The following NME7 variants were observed in gnomAD, a reference collection of about 807,000 sequenced individuals.
NME7 encodes NME/NM23 family member 7.
In NME7, 41 loss-of-function variants were observed where a neutral mutation model predicts 49.1. That is an observed-to-expected ratio of 0.83 (90% CI 0.65 to 1.08). NME7 has a LOEUF of 1.08. Ranked by LOEUF, NME7 falls within the 50% of genes least tolerant of loss-of-function variation. NME7 has a pLI of 0.00. For missense variants in NME7, 423 were observed against 463.4 expected, an observed-to-expected ratio of 0.91 and a Z score of 0.80; for synonymous variants, 139 against 150.6, an observed-to-expected ratio of 0.92 and a Z score of 0.56.
At chr1:169,342,449 A>G (rs1462868361) in intron 1 of NME7, among the ~76,000 whole-genome samples, 1 of 148,808 alleles carries the variant, frequency 6.7e-6, no homozygotes, top group East Asian at 2.0e-4. Context: ...CAGTGTGAAC[A>G]TGGACTAATA....
chr1:169,313,007 T>G (rs1365294807), intron 3 of NME7, among the ~76,000 whole-genome samples: 9 of 152,064 alleles, frequency 5.9e-5, no homozygotes, highest in African/African-American at 2.2e-4. Context: ...ATCTGCCCCA[T>G]GGATAAAGGA....
intron 7 of NME7, among the ~76,000 whole-genome samples, chr1:169,251,547 C>CTTTTTTTTTTTTTTTTTTTT (rs36096137): frequency 5.6e-5 from 7 of 123,984 alleles, no homozygotes; most frequent in East Asian, 2.4e-4. Context: ...ACTCTGGTTT[C>CTTTTTTTTTTTTTTTTTTTT]TTTTTTTTTT....
chr1:169,232,018 C>A (rs1647644005), intron 9 of NME7, among the ~76,000 whole-genome samples: 1 of 151,886 alleles, frequency 6.6e-6, no homozygotes, highest in African/African-American at 2.4e-5. Flanking sequence ...ATAAATAGAC[C>A]CAGCAATTAA....
Position 169,230,725 on chromosome 1 carries a change from G to A in NME7, c.983C>T (p.Ala328Val), listed in dbSNP as rs1160219035. The A allele has an allele frequency of 1.9e-6, 3 of 1,593,014 alleles. No individual in the cohort carries two copies. The highest frequency in any genetic ancestry group is 4.5e-5 in the East Asian group (2 of 44,236). Residue 328 changes from alanine (A) to valine (V), a missense_variant, in exon 10 of 12, where the codon GCT (alanine) becomes GTT (valine). Physicochemically the swap from Ala to Val is moderately conservative, Grantham distance 64 (BLOSUM62 0). Coordinates refer to ENST00000367811, the MANE Select transcript of NME7 (RefSeq NM_013330.5). ...TTTTAAACAATAACTTACAGGATCA[G>A]CAGGTCCACAAAATTCTCGAAATGT... The part of the protein sequence containing the change: ...TKTFREFCGP[A>V]DPEIARHLRP...
intron 1 of NME7, among the ~76,000 whole-genome samples, chr1:169,348,789 A>G (rs1036623134): frequency 6.6e-6 from 1 of 152,130 alleles, no homozygotes; most frequent in African/African-American, 2.4e-5. Flanking sequence ...AATATGAATT[A>G]TGAATTCCTG....
chr1:169,142,072 A>T (rs1658612097), intron 11 of NME7, among the ~76,000 whole-genome samples: 1 of 152,130 alleles, frequency 6.6e-6, no homozygotes, highest in Non-Finnish European at 1.5e-5. Flanking sequence ...GGGGATTTGA[A>T]CTCAGACCAC....
Position 169,258,233 on chromosome 1 carries a change from T to C in NME7, c.755-20546A>G, listed in dbSNP as rs543540633. Among the ~76,000 whole-genome samples, 4 of 126,830 alleles carry C rather than the reference T, an allele frequency of 3.2e-5. No homozygotes were observed. In the East Asian group the frequency reaches 8.1e-4, roughly 26 times the overall value. 83.2% of individuals were successfully genotyped at this position (126,830 alleles called of 152,430 possible). A position where few individuals can be genotyped will look rare whatever the true frequency, so the allele number is the denominator to read the frequency against. On this transcript the variant is annotated intron_variant, in intron 7 of 11. Coordinates refer to ENST00000367811, the MANE Select transcript of NME7 (RefSeq NM_013330.5). ...GTGTCTGTAGTGCCAGCTGCTCTGC[T>C]TGGGAGGCTGAGGTGGAAGGATCAC...
chr1:169,178,335 T>C (rs1468104942), intron 10 of NME7, among the ~76,000 whole-genome samples: 1 of 152,144 alleles, frequency 6.6e-6, no homozygotes, highest in African/African-American at 2.4e-5. Flanking sequence ...TAAATGAGAT[T>C]TGGAAGACAG....
chr1:169,137,465 T>C (rs1456537118), intron 11 of NME7, among the ~76,000 whole-genome samples: 1 of 151,792 alleles, frequency 6.6e-6, no homozygotes, highest in East Asian at 1.9e-4. Flanking sequence ...GTTGGGCGGG[T>C]TGGGGAAGGT....
chr1:169,290,741 G>A (rs1004376575), intron 6 of NME7, among the ~76,000 whole-genome samples: 16 of 152,122 alleles, frequency 1.1e-4, no homozygotes, highest in African/African-American at 3.9e-4. Context: ...CCTATAGAAT[G>A]GGAGAAAATT....
chr1:169,268,144 A>AT (rs1649376577), intron 7 of NME7, among the ~76,000 whole-genome samples: 1 of 133,562 alleles, frequency 7.5e-6, no homozygotes, highest in African/African-American at 2.5e-5. Context: ...TGAACAGACA[A>AT]TTTTCAAAAG....
intron 10 of NME7, among the ~76,000 whole-genome samples, chr1:169,173,138 C>A (rs1659652263): frequency 6.6e-6 from 1 of 152,114 alleles, no homozygotes; most frequent in Non-Finnish European, 1.5e-5. Context: ...TGTGACCACA[C>A]CACATTATTT....
Position 169,246,247 on chromosome 1 carries a change from A to T in NME7, c.755-8560T>A, listed in dbSNP as rs114259132. ...CTAGGGCTCAGGAGGCCAAGGTTGC[A>T]GTGAGCTGAGATGGCACAACTGCAA... On this transcript the variant is annotated intron_variant, in intron 7 of 11. Transcript: ENST00000367811. Among the ~76,000 whole-genome samples, 596 of 152,294 alleles carry T rather than the reference A, an allele frequency of 3.9e-3. 4 individuals carry two copies. Among genetic ancestry groups the T allele is most frequent in the African/African-American group, 0.014 (571 of 41,576 alleles).
At chr1:169,216,625 T>C (rs577276799) in intron 10 of NME7, among the ~76,000 whole-genome samples, 1 of 152,360 alleles carries the variant, frequency 6.6e-6, no homozygotes, top group Admixed American at 6.5e-5. Context: ...CTCCAATTTA[T>C]TTATAGCAAG....
chr1:169,348,003 T>C (rs1234760600), intron 1 of NME7, among the ~76,000 whole-genome samples: 1 of 152,210 alleles, frequency 6.6e-6, no homozygotes, highest in Non-Finnish European at 1.5e-5. Context: ...CTGCATTAGC[T>C]ACAGTTGGCT....
At chr1:169,187,346 G>C (rs1025353698) in intron 10 of NME7, among the ~76,000 whole-genome samples, 1 of 152,134 alleles carries the variant, frequency 6.6e-6, no homozygotes, top group Non-Finnish European at 1.5e-5. Flanking sequence ...AGAGTAGAGT[G>C]TTAAAGTCTC....
rs144944883 is a variant in NME7 at position 169,219,415 on chromosome 1, C to A, written c.990+11303G>T. On this transcript the variant is annotated intron_variant, in intron 10 of 11. Transcript: ENST00000367811. The stretch of plus-strand genomic sequence containing the variant: ...GTAATCTGGATGTGAATAGGTTCCA[C>A]GCAAATACTATACCATTTTATATAA... 7.2e-5 allele frequency among the ~76,000 whole-genome samples: 11 copies of A among 152,272 alleles called. No individual in the cohort carries two copies. In the East Asian group the frequency reaches 2.1e-3, roughly 29 times the overall value.
chr1:169,352,232 G>A (rs1018646348), intron 1 of NME7, among the ~76,000 whole-genome samples: 1 of 152,006 alleles, frequency 6.6e-6, no homozygotes, highest in Non-Finnish European at 1.5e-5. Context: ...CATTCATCAT[G>A]ACCAAGTGGG....
At chr1:169,359,620 A>G (rs2101987843) in intron 1 of NME7, among the ~76,000 whole-genome samples, 1 of 152,028 alleles carries the variant, frequency 6.6e-6, no homozygotes, top group South Asian at 2.1e-4. Flanking sequence ...TGACTAAGTA[A>G]TTTTCCTATA....
Sources: gnomAD v4.1 joint callset for allele counts (sites outside exome capture counted in the v4.1 genomes callset) on GRCh38, gnomAD v4.1.1 for gene constraint, MANE v1.5 for transcripts, NCBI Gene and HGNC (gene_info 2026-07-23, HGNC 2026-07-21) for gene names.